The following TEX261 variants were observed in gnomAD, a reference collection of about 807,000 sequenced individuals.
TEX261 encodes the protein protein TEX261.
In TEX261, 13 loss-of-function variants were observed where a neutral mutation model predicts 25.1. The observed-to-expected ratio is 0.52, with a 90% CI of 0.34 to 0.82. The LOEUF is 0.82. TEX261 is among the 40% of genes least tolerant of loss of function. TEX261 has a pLI of 0.02. For synonymous variants in TEX261, 92 were observed against 97.8 expected, an observed-to-expected ratio of 0.94 and a Z score of 0.35; for missense variants, 206 against 243.2, an observed-to-expected ratio of 0.85 and a Z score of 1.02.
At chr2:70,990,161 G>A (rs183648577) in intron 3 of TEX261, among the ~76,000 whole-genome samples, 5 of 152,304 alleles carry the variant, frequency 3.3e-5, no homozygotes, top group Admixed American at 6.5e-5. Context: ...GTGACAGGTG[G>A]GGAGAAATCA....
chr2:70,988,506 T>C lies in TEX261; in HGVS notation c.*94A>G. The C allele has an allele frequency of 1.1e-6, 1 of 938,046 alleles. No individual in the cohort carries two copies. Among genetic ancestry groups the C allele is most frequent in the Non-Finnish European group, 1.7e-6 (1 of 577,488 alleles). The allele number at this position is 938,046 out of a possible 1,614,324, so 58.1% of individuals were successfully genotyped here. A position where few individuals can be genotyped will look rare whatever the true frequency, so the allele number is the denominator to read the frequency against. ...AGGGGAAGAAAGCCAGGGCAGGTGG[T>C]AGGTGCCTTCCCGACTTCTGGTCCC... is the stretch of plus-strand genomic sequence containing the variant. On this transcript the variant is annotated 3_prime_UTR_variant, in exon 6 of 6. Transcript: ENST00000272438.
At position 70,988,566 on chromosome 2, in the gene TEX261, T is replaced by C; in HGVS notation, c.*34A>G. On this transcript the variant is annotated 3_prime_UTR_variant, in exon 6 of 6. Coordinates refer to ENST00000272438, the MANE Select transcript of TEX261 (RefSeq NM_144582.3). ...TAGAGGCCCAGGGGCCTGACTCTCC[T>C]GATCTTGCCCCCCACATCCTGCCTG... The C allele has an allele frequency of 6.4e-7, 1 of 1,553,488 alleles. No individual in the cohort carries two copies. The highest frequency in any genetic ancestry group is 1.1e-5 in the South Asian group (1 of 89,878).
chr2:70,986,550 A>T lies in TEX261; in HGVS notation c.*2050T>A, dbSNP rs559377817. 2.0e-5 allele frequency: 3 copies of T among 152,624 alleles called. No individual in the cohort carries two copies. The highest frequency in any genetic ancestry group is 6.5e-5 in the Admixed American group (1 of 15,284). 9.5% of individuals were successfully genotyped at this position (152,624 alleles called of 1,614,324 possible). The stretch of plus-strand genomic sequence containing the variant: ...CTCAAATCAAGAGATGTTAAGGTAG[A>T]CCTGACCGTTTTGAGAGATTGGATG... On this transcript the variant is annotated 3_prime_UTR_variant, in exon 6 of 6. Transcript: ENST00000272438.
intron 2 of TEX261, 87 bp downstream of exon 2, chr2:70,993,609 C>T (rs1670346437): frequency 9.3e-7 from 1 of 1,070,152 alleles, no homozygotes; most frequent in Non-Finnish European, 1.5e-6. Context: ...ACACAGGCCT[C>T]ATCATCCATG....
chr2:70,989,673 T>C, intron 4 of TEX261, 76 bp downstream of exon 4: 1 of 1,019,272 alleles, frequency 9.8e-7, no homozygotes, highest in Non-Finnish European at 1.5e-6. Flanking sequence ...ATAGCTAAGT[T>C]TATAAAGTAA....
chr2:70,990,408 G>A (rs7583998), intron 3 of TEX261, among the ~76,000 whole-genome samples: 26,991 of 151,956 alleles, frequency 0.18, 2,554 homozygotes, highest in Middle Eastern at 0.22. Flanking sequence ...AAGGCATACC[G>A]GTGTGAACTG....
rs782632106 is a variant in TEX261, at chr2:70,988,540, A to G, written c.*60T>C. 26 of 1,376,418 alleles carry G rather than the reference A, an allele frequency of 1.9e-5. No individual in the cohort carries two copies. Among genetic ancestry groups the G allele is most frequent in the African/African-American group, 2.9e-5 (2 of 69,958 alleles). 85.3% of individuals were successfully genotyped at this position (1,376,418 alleles called of 1,614,324 possible). A position where few individuals can be genotyped will look rare whatever the true frequency, so the allele number is the denominator to read the frequency against. Reference sequence around the variant, plus strand: ...TCCCGACTTCTGGTCCCCACCTGGCATAGAGGCCCAGGGGCCTGACTCTCC... The same window carrying G: ...TCCCGACTTCTGGTCCCCACCTGGCGTAGAGGCCCAGGGGCCTGACTCTCC... On this transcript the variant is annotated 3_prime_UTR_variant, in exon 6 of 6. Coordinates refer to ENST00000272438, the MANE Select transcript of TEX261 (RefSeq NM_144582.3).
intron 2 of TEX261, 65 bp from the exon 3 acceptor site, chr2:70,992,048 C>T: frequency 1.4e-6 from 2 of 1,470,282 alleles, no homozygotes; most frequent in Non-Finnish European, 9.1e-7. Flanking sequence ...GACTCACCAA[C>T]CCCCAGCCCG....
At chr2:70,993,809 G>A (rs1553425921) in intron 1 of TEX261, 34 bp from the exon 2 acceptor site, 3 of 1,560,842 alleles carry the variant, frequency 1.9e-6, no homozygotes, top group Admixed American at 3.3e-5. Context: ...CTATCAGCCA[G>A]GGTCACTCCC....
In TEX261 at chr2:70,994,706, A is replaced by G. The variant is rs782300450; in HGVS notation, c.52T>C (p.Phe18Leu). The G allele has an allele frequency of 1.2e-6, 2 of 1,605,398 alleles. No homozygotes were observed. The highest frequency in any genetic ancestry group is 1.7e-6 in the Non-Finnish European group (2 of 1,176,854). Reference protein sequence around the residue: ...SWLSLFIQVAFITLAVAAGLY... With the variant: ...SWLSLFIQVALITLAVAAGLY... ...GTCTCACCGACAGCCAGCGTGATGA[A>G]GGCCACCTGGATGAAGAGCGACAGC... is the stretch of plus-strand genomic sequence containing the variant. Residue 18 changes from phenylalanine (F) to leucine (L), a missense_variant, in exon 1 of 6, where the codon TTC becomes CTC. By Grantham distance (22) the Phe-to-Leu change is conservative. Transcript: ENST00000272438.
chr2:70,994,741 A>T lies in TEX261; in HGVS notation c.17T>A (p.Leu6Gln). 6.2e-7 allele frequency: 1 copy of T among 1,605,918 alleles called. No individual in the cohort carries two copies. The highest frequency in any genetic ancestry group is 8.5e-7 in the Non-Finnish European group (1 of 1,177,046). Residue 6 changes from leucine (L) to glutamine (Q), a missense_variant, in exon 1 of 6, where the codon CTG becomes CAG. Transcript: ENST00000272438. MWFMY[L>Q]LSWLSLFIQV... The stretch of plus-strand genomic sequence containing the variant: ...GATGAAGAGCGACAGCCAGCTCAGC[A>T]GGTACATGAACCACATGGCGCCCCC...
Position 70,989,732 on chromosome 2 carries a change from T to C in TEX261, c.372+17A>G, listed in dbSNP as rs1301186149. On this transcript the variant is annotated intron_variant, in intron 4 of 5. Coordinates refer to ENST00000272438, the MANE Select transcript of TEX261 (RefSeq NM_144582.3). Reference sequence around the variant, plus strand: ...CCCTGTCCCTGTTAACAGCTGAATGTGCTGGACACTTCTTACCTCTGAGAA... The same window carrying C: ...CCCTGTCCCTGTTAACAGCTGAATGCGCTGGACACTTCTTACCTCTGAGAA... 1.3e-6 allele frequency: 2 copies of C among 1,586,782 alleles called. No individual in the cohort carries two copies. The highest frequency in any genetic ancestry group is 8.7e-7 in the Non-Finnish European group (1 of 1,154,974).
chr2:70,994,822 C>T lies in TEX261; in HGVS notation c.-65G>A. On this transcript the variant is annotated 5_prime_UTR_variant, in exon 1 of 6. The change creates a new upstream start codon in the 5' untranslated region. Transcript: ENST00000272438. Reference sequence around the variant, plus strand: ...CCTGCGCGCTTCGGCTCCGGCGACACACAGCCGCCACCGCCGCCGCCGCCG... The same window carrying T: ...CCTGCGCGCTTCGGCTCCGGCGACATACAGCCGCCACCGCCGCCGCCGCCG... 1 of 1,321,758 alleles carries T rather than the reference C, an allele frequency of 7.6e-7. No individual in the cohort carries two copies. The highest frequency in any genetic ancestry group is 2.3e-5 in the South Asian group (1 of 43,494). The allele number at this position is 1,321,758 out of a possible 1,614,324, so 81.9% of individuals were successfully genotyped here. A position where few individuals can be genotyped will look rare whatever the true frequency, so the allele number is the denominator to read the frequency against.
rs1553425117 is a variant in TEX261 at position 70,988,152 on chromosome 2, A to G, written c.*448T>C. On this transcript the variant is annotated 3_prime_UTR_variant, in exon 6 of 6. Coordinates refer to ENST00000272438, the MANE Select transcript of TEX261 (RefSeq NM_144582.3). ...GAAGCGAAGCTTTATTCAAACGGAA[A>G]TCTGCACTTGGACAGAAATCACCGT... 2 of 173,052 alleles carry G rather than the reference A, an allele frequency of 1.2e-5. No individual in the cohort carries two copies. The highest frequency in any genetic ancestry group is 1.1e-4 in the Admixed American group (2 of 18,154). The allele number at this position is 173,052 out of a possible 1,614,324, so 10.7% of individuals were successfully genotyped here.
chr2:70,994,017 T>C (rs1287801144), intron 1 of TEX261, among the ~76,000 whole-genome samples: 1 of 152,172 alleles, frequency 6.6e-6, no homozygotes, highest in Non-Finnish European at 1.5e-5. Flanking sequence ...AATGATAACC[T>C]CTGGCTCAGA....
intron 1 of TEX261, among the ~76,000 whole-genome samples, chr2:70,994,138 G>A (rs1670360114): frequency 6.6e-6 from 1 of 152,242 alleles, no homozygotes. Context: ...CCCTGACCCA[G>A]CTTGGGAAAG....
In TEX261 at chr2:70,994,839, C is replaced by T; in HGVS notation, c.-82G>A. 8.0e-7 allele frequency: 1 copy of T among 1,248,898 alleles called. No individual in the cohort carries two copies. The highest frequency in any genetic ancestry group is 3.2e-5 in the South Asian group (1 of 31,350). The allele number at this position is 1,248,898 out of a possible 1,614,324, so 77.4% of individuals were successfully genotyped here. A position where few individuals can be genotyped will look rare whatever the true frequency, so the allele number is the denominator to read the frequency against. ...CGGCGACACACAGCCGCCACCGCCG[C>T]CGCCGCCGCCGCGTCCCCGCCCCGC... On this transcript the variant is annotated 5_prime_UTR_variant, in exon 1 of 6. Transcript: ENST00000272438.
At chr2:70,989,089 G>GT in intron 4 of TEX261, 72 bp from the exon 5 acceptor site, 1 of 1,364,998 alleles carries the variant, frequency 7.3e-7, no homozygotes, top group Non-Finnish European at 1.0e-6. Context: ...GTGACTGCGT[G>GT]TTGGTCAAGA....
chr2:70,988,954 C>T lies in TEX261; in HGVS notation c.436G>A (p.Ala146Thr). Residue 146 changes from alanine to threonine, a missense_variant, in exon 5 of 6, where the codon GCC becomes ACC. Transcript: ENST00000272438. ...IPFAFFVSLS[A>T]GENVLPSTMQ... ...GTAGAGGGCAGGACGTTCTCCCCGG[C>T]CGAAAGTGACACAAAAAACGCAAAC... 1 of 1,614,054 alleles carries T rather than the reference C, an allele frequency of 6.2e-7. No individual in the cohort carries two copies. The highest frequency in any genetic ancestry group is 8.5e-7 in the Non-Finnish European group (1 of 1,180,000).
Sources: allele counts gnomAD v4.1 joint callset (sites outside exome capture counted in the v4.1 genomes callset), GRCh38; gene constraint gnomAD v4.1.1; transcripts MANE v1.5; gene names NCBI Gene and HGNC (gene_info 2026-07-23, HGNC 2026-07-21).